Variants in CANT1 observed in about 807,000 individuals in gnomAD.
CANT1 encodes the protein calcium activated nucleotidase 1.
A neutral mutation model predicts 30.0 loss-of-function variants in CANT1; 26 were observed. The observed-to-expected ratio is 0.87, with a 90% CI of 0.64 to 1.20. The LOEUF (loss-of-function observed/expected upper bound fraction) is 1.20, where lower values mean the gene tolerates loss of function less well. Among genes scored for constraint, CANT1 ranks in the 50% most tolerant of loss-of-function variants. The probability of loss-of-function intolerance (pLI) is 0.00; values close to 1 mark genes in which losing one functional copy is unlikely to be tolerated. For missense variants in CANT1, 518 were observed against 563.0 expected (o/e 0.92, Z 0.81); for synonymous variants, 246 against 251.8 (o/e 0.98, Z 0.22).
At chr17:78,994,697 C>T (rs868631870) in intron 4 of CANT1, among the ~76,000 whole-genome samples, 8 of 152,140 alleles carry the variant, frequency 5.3e-5, no homozygotes, top group Admixed American at 2.6e-4. Flanking sequence ...GGTGGATCAC[C>T]AGATCACCCG....
At chr17:79,000,448 G>T (rs116087599) in intron 1 of CANT1, among the ~76,000 whole-genome samples, 2 of 127,822 alleles carry the variant, frequency 1.6e-5, no homozygotes, top group Admixed American at 7.9e-5. Flanking sequence ...CTGCCTCTCC[G>T]CCCCTGACAC....
In CANT1 at chr17:78,993,732, G is replaced by A. The variant is rs1257704051; in HGVS notation, c.1024C>T (p.His342Tyr). The A allele has an allele frequency of 1.2e-6, 2 of 1,613,988 alleles. No individual in the cohort carries two copies. Among genetic ancestry groups the A allele is most frequent in the Non-Finnish European group, 1.7e-6 (2 of 1,180,054 alleles). Reference protein sequence around the residue: ...VSHVGAVVPTHGFSSFKFIPN... With the variant: ...VSHVGAVVPTYGFSSFKFIPN... ...ATGAACTTGAAGGACGAGAAGCCGT[G>A]AGTGGGGACCACCGCCCCGACGTGG... is the stretch of plus-strand genomic sequence containing the variant. The change falls in exon 5 of 5, where the codon CAC becomes TAC. Residue 342 changes from histidine (H) to tyrosine (Y), a missense_variant. Physicochemically the swap from His to Tyr is moderately conservative, Grantham distance 83 (BLOSUM62 2). Transcript: ENST00000392446. The surrounding 1 kb of genome is among the most constrained non-coding windows in gnomAD (Gnocchi z 4.5).
rs1001026016 is a variant in CANT1 at position 78,997,856 on chromosome 17, G to A, written c.-39C>T. 7 of 461,444 alleles carry A rather than the reference G, an allele frequency of 1.5e-5. No homozygotes were observed. The highest frequency in any genetic ancestry group is 5.9e-5 in the African/African-American group (3 of 50,938). 28.6% of individuals were successfully genotyped at this position (461,444 alleles called of 1,614,324 possible). ...TTTGCTTACTTTCATTCGGCAAGAC[G>A]TGAAGTCTTTCCACAGCAAAATTAC... On this transcript the variant is annotated 5_prime_UTR_variant, in exon 2 of 5. The change creates a new upstream start codon in the 5' untranslated region. Coordinates refer to ENST00000392446, the MANE Select transcript of CANT1 (RefSeq NM_001159773.2). This position sits in a 1 kb window ranked among gnomAD's most constrained non-coding sequence, Gnocchi z 7.5.
At position 78,993,236 on chromosome 17, in the gene CANT1, C is replaced by CA; in HGVS notation, c.*313dup. 2.2e-6 allele frequency: 1 copy of CA among 457,144 alleles called. No homozygotes were observed. 28.3% of individuals were successfully genotyped at this position (457,144 alleles called of 1,614,324 possible). A position where few individuals can be genotyped will look rare whatever the true frequency, so the allele number is the denominator to read the frequency against. On this transcript the variant is annotated 3_prime_UTR_variant, in exon 5 of 5. Transcript: ENST00000392446. The surrounding 1 kb of genome is among the most constrained non-coding windows in gnomAD (Gnocchi z 4.5). ...AGGAGCTCTAGGGATATTCACTGAA[C>CA]AAAAGAACATAGGAAAGAAAAGAAA...
rs542850582 is a variant in CANT1 at position 79,009,563 on chromosome 17, G to A, written c.-147+101C>T. On this transcript the variant is annotated intron_variant, in intron 1 of 4. Coordinates refer to ENST00000392446, the MANE Select transcript of CANT1 (RefSeq NM_001159773.2). Reference sequence around the variant, plus strand: ...GGAAGGGGGCCTGACGGGTCAGGGGGCGGGACGCGGCAGGGTCGGAGGGCG... The same window carrying A: ...GGAAGGGGGCCTGACGGGTCAGGGGACGGGACGCGGCAGGGTCGGAGGGCG... 3.3e-5 allele frequency: 5 copies of A among 152,786 alleles called. No individual in the cohort carries two copies. The South Asian group carries it at 7.6e-4, about 23-fold the overall frequency. 9.5% of individuals were successfully genotyped at this position (152,786 alleles called of 1,614,324 possible).
rs573446274 is a variant in CANT1, at chr17:79,002,356, G to A, written c.-146-4393C>T. Among the ~76,000 whole-genome samples, 7 of 152,284 alleles carry A rather than the reference G, an allele frequency of 4.6e-5. No individual in the cohort carries two copies. Among genetic ancestry groups the A allele is most frequent in the Admixed American group, 1.3e-4 (2 of 15,294 alleles). On this transcript the variant is annotated intron_variant, in intron 1 of 4. Transcript: ENST00000392446. The surrounding 1 kb of genome is among the most constrained non-coding windows in gnomAD (Gnocchi z 4.0). ...AGAGAACTGTGCACAGGGGCTGACT[G>A]CTACTGCTTCTCACTCACTCTACAA...
chr17:78,996,377 G>A lies in CANT1; in HGVS notation c.631+615C>T, dbSNP rs2071034652. On this transcript the variant is annotated intron_variant, in intron 3 of 4. Coordinates refer to ENST00000392446, the MANE Select transcript of CANT1 (RefSeq NM_001159773.2). The surrounding 1 kb of genome is among the most constrained non-coding windows in gnomAD (Gnocchi z 5.1). ...GGCACCTCCCCAGCTCCTCTCTGGA[G>A]GAAGACACTGGCCACCGTGCCTCCC... 6.6e-6 allele frequency among the ~76,000 whole-genome samples: 1 copy of A among 152,210 alleles called. No individual in the cohort carries two copies. The highest frequency in any genetic ancestry group is 6.5e-5 in the Admixed American group (1 of 15,284).
chr17:78,993,986 G>A lies in CANT1; in HGVS notation c.836-66C>T. The A allele has an allele frequency of 6.6e-7, 1 of 1,511,210 alleles. No homozygotes were observed. The highest frequency in any genetic ancestry group is 8.8e-7 in the Non-Finnish European group (1 of 1,132,980). The allele number at this position is 1,511,210 out of a possible 1,614,324, so 93.6% of individuals were successfully genotyped here. ...TGGTGTGCCCAGCCCCACACCATCA[G>A]GCCGTGCGCAGTAGCAGGCAAGGGG... On this transcript the variant is annotated intron_variant, in intron 4 of 4. Transcript: ENST00000392446. This position sits in a 1 kb window ranked among gnomAD's most constrained non-coding sequence, Gnocchi z 4.5.
Position 78,991,787 on chromosome 17 carries a change from T to A in CANT1, c.*1763A>T, listed in dbSNP as rs1446443029. ...TAGGGAAGGAACACAATCATTATGC[T>A]GACAGCAGCGAACAGAGAGGGGAAG... On this transcript the variant is annotated 3_prime_UTR_variant, in exon 5 of 5. Coordinates refer to ENST00000392446, the MANE Select transcript of CANT1 (RefSeq NM_001159773.2). The A allele has an allele frequency of 4.5e-6, 1 of 222,554 alleles. No individual in the cohort carries two copies. The highest frequency in any genetic ancestry group is 2.2e-5 in the African/African-American group (1 of 44,718). The allele number at this position is 222,554 out of a possible 1,614,324, so 13.8% of individuals were successfully genotyped here.
At position 79,001,599 on chromosome 17, in the gene CANT1, G is replaced by A. The variant is rs535138827; in HGVS notation, c.-146-3636C>T. On this transcript the variant is annotated intron_variant, in intron 1 of 4. Transcript: ENST00000392446. ...GGCCCCCTCGCCCACCATGGTACAAGAGCACCCACACCTACACCCTCTCCT... is the reference window on the plus strand; with the variant it reads ...GGCCCCCTCGCCCACCATGGTACAAAAGCACCCACACCTACACCCTCTCCT... Among the ~76,000 whole-genome samples the A allele has an allele frequency of 5.8e-5, 6 of 103,338 alleles. No individual in the cohort carries two copies. In the East Asian group the frequency reaches 1.9e-3, roughly 32 times the overall value. 67.8% of individuals were successfully genotyped at this position (103,338 alleles called of 152,430 possible).
intron 1 of CANT1, among the ~76,000 whole-genome samples, chr17:79,000,914 G>A (rs73399874): frequency 0.014 from 2,169 of 152,314 alleles, 46 homozygotes; most frequent in African/African-American, 0.044. Context: ...AGCACCTGAC[G>A]CACTGCCAGG....
intron 1 of CANT1, chr17:79,007,957 T>G (rs1320258396): frequency 2.0e-5 from 3 of 152,356 alleles, no homozygotes; most frequent in Admixed American, 2.0e-4. Context: ...CATGTCATTC[T>G]CTTTTGTGAT....
rs770830807 is a variant in CANT1, at chr17:78,997,724, T to C, written c.-22-80A>G. 34 of 1,300,540 alleles carry C rather than the reference T, an allele frequency of 2.6e-5. No homozygotes were observed. The highest frequency in any genetic ancestry group is 3.5e-5 in the Non-Finnish European group (34 of 968,398). 80.6% of individuals were successfully genotyped at this position (1,300,540 alleles called of 1,614,324 possible). ...TCTTAGTTCCGGAAGCTGCAGGCGCTGGAGGCTGACTTTTCCAGAAGAAAC... is the reference window on the plus strand; with the variant it reads ...TCTTAGTTCCGGAAGCTGCAGGCGCCGGAGGCTGACTTTTCCAGAAGAAAC... On this transcript the variant is annotated intron_variant, in intron 2 of 4. Coordinates refer to ENST00000392446, the MANE Select transcript of CANT1 (RefSeq NM_001159773.2). The surrounding 1 kb of genome is among the most constrained non-coding windows in gnomAD (Gnocchi z 7.5).
At chr17:79,009,339 C>A (rs2071665002) in intron 1 of CANT1, among the ~76,000 whole-genome samples, 1 of 151,858 alleles carries the variant, frequency 6.6e-6, no homozygotes. Flanking sequence ...ATGGTCCCCA[C>A]ACTAATTAGA....
chr17:79,003,041 C>A (rs1234497097), intron 1 of CANT1, among the ~76,000 whole-genome samples: 1 of 149,818 alleles, frequency 6.7e-6, no homozygotes, highest in African/African-American at 2.4e-5. Flanking sequence ...GAGGCAGGGG[C>A]CTTTCCTCCA....
intron 1 of CANT1, among the ~76,000 whole-genome samples, chr17:79,006,683 C>T (rs749517575): frequency 2.0e-4 from 31 of 152,290 alleles, no homozygotes; most frequent in Admixed American, 5.9e-4. Context: ...AGCCAAAAGG[C>T]GACCTTCTCA....
In CANT1 at chr17:78,993,798, G is replaced by T; in HGVS notation, c.958C>A (p.Leu320Met). The T allele has an allele frequency of 1.2e-6, 2 of 1,610,910 alleles. No individual in the cohort carries two copies. Residue 320 changes from leucine (L) to methionine (M), a missense_variant, in exon 5 of 5, where the codon CTG (leucine) becomes ATG (methionine). By Grantham distance (15) the Leu-to-Met change is conservative (BLOSUM62 2). Transcript: ENST00000392446. The surrounding 1 kb of genome is among the most constrained non-coding windows in gnomAD (Gnocchi z 4.5). ...CCGAAGTCAGGGGAGGCGCTCAGCA[G>T]CAGGTTGGCGCCCTTGCGCTCGTCG... ...KDDERKGANL[L>M]LSASPDFGDI... is the part of the protein sequence containing the mutation.
intron 1 of CANT1, among the ~76,000 whole-genome samples, chr17:79,001,746 C>T (rs1467286154): frequency 6.6e-6 from 1 of 152,136 alleles, no homozygotes; most frequent in Non-Finnish European, 1.5e-5. Context: ...TCCTCCCAGG[C>T]AGGTCTTCTC....
rs1050450391 is a variant in CANT1 at position 78,998,044 on chromosome 17, A to C, written c.-146-81T>G. The C allele has an allele frequency of 9.0e-6, 2 of 221,070 alleles. No homozygotes were observed. The highest frequency in any genetic ancestry group is 1.8e-5 in the Non-Finnish European group (2 of 110,856). The allele number at this position is 221,070 out of a possible 1,614,324, so 13.7% of individuals were successfully genotyped here. On this transcript the variant is annotated intron_variant, in intron 1 of 4. Transcript: ENST00000392446. The surrounding 1 kb of genome is among the most constrained non-coding windows in gnomAD (Gnocchi z 4.5). ...TGGGATAGGATCATAGACAGGGTAC[A>C]GGTCTGTATTTTACTCAAATGCCAC... is the stretch of plus-strand genomic sequence containing the variant.
Sources: gnomAD v4.1 joint callset for allele counts (sites outside exome capture counted in the v4.1 genomes callset) on GRCh38, gnomAD v4.1.1 for gene constraint, Gnocchi (gnomAD v3.1) non-coding constraint, MANE v1.5 for transcripts, NCBI Gene and HGNC (gene_info 2026-07-23, HGNC 2026-07-21) for gene names.